The following PUDP variants were observed in gnomAD, a reference collection of about 807,000 sequenced individuals.
PUDP encodes pseudouridine-5'-phosphatase.
Under a neutral mutation model 9.4 loss-of-function variants are expected in PUDP, and 8 were observed. That is an observed-to-expected ratio of 0.85 (90% CI 0.50 to 1.53). The LOEUF is 1.53. PUDP is among the 40% of genes most tolerant of loss of function. PUDP has a pLI of 0.00. For missense variants in PUDP, 188 were observed against 189.7 expected (o/e 0.99, Z 0.05); for synonymous variants, 99 against 80.7 (o/e 1.23, Z -1.22).
intron 1 of PUDP, among the ~76,000 whole-genome samples, chrX:7,109,135 C>T (rs1191630312): frequency 8.9e-6 from 1 of 112,037 alleles, no homozygotes; most frequent in African/African-American, 3.2e-5. Context: ...CACCCTCCTC[C>T]TCAACAGCTG....
At position 7,096,740 on chromosome X, in the gene PUDP, G is replaced by GT. The variant is rs781677762; in HGVS notation, c.280+8879dup. ...AGTCCTAGCCACGCCAGAAGCTGAG[G>GT]TGAAAGCATTGCTTCAGCCCAGCAG... On this transcript the variant is annotated intron_variant, in intron 2 of 3. Transcript: ENST00000381077. Among the ~76,000 whole-genome samples the GT allele has an allele frequency of 9.0e-5, 10 of 111,304 alleles. No individual in the cohort carries two copies. The East Asian group carries it at 2.0e-3, about 22-fold the overall frequency.
At chrX:6,766,544 T>C (rs1925287631) in intron 3 of PUDP, among the ~76,000 whole-genome samples, 1 of 111,935 alleles carries the variant, frequency 8.9e-6, no homozygotes. Context: ...ATATATTATA[T>C]AGCATCTAGA....
chrX:6,766,284 G>A (rs1925284668), intron 3 of PUDP, among the ~76,000 whole-genome samples: 1 of 111,792 alleles, frequency 8.9e-6, no homozygotes, highest in Non-Finnish European at 1.9e-5. Context: ...AATAAATCTT[G>A]GAGTGCCAGG....
chrX:6,817,264 G>A (rs1331642930), intron 3 of PUDP, among the ~76,000 whole-genome samples: 1 of 109,080 alleles, frequency 9.2e-6, no homozygotes, highest in Admixed American at 1.0e-4. Flanking sequence ...TCAGAGATAC[G>A]GGATCACTGT....
chrX:7,147,966 C>T, intron 1 of PUDP, 87 bp downstream of exon 1: 1 of 729,710 alleles, frequency 1.4e-6, no homozygotes, highest in Non-Finnish European at 2.0e-6. Flanking sequence ...CCGCCGCGGC[C>T]CCCAGGCCGT....
intron 2 of PUDP, among the ~76,000 whole-genome samples, chrX:7,097,784 T>C (rs1233486728): frequency 9.1e-6 from 1 of 110,134 alleles, no homozygotes; most frequent in East Asian, 2.9e-4. Flanking sequence ...AGGGTGGGGG[T>C]GTATCTGTTA....
intron 3 of PUDP, among the ~76,000 whole-genome samples, chrX:6,947,027 G>A (rs1928477730): frequency 3.8e-5 from 4 of 104,790 alleles, no homozygotes; most frequent in Admixed American, 1.0e-4. Context: ...TTGAGACAGG[G>A]TCTCACTCTA....
At chrX:7,120,236 A>T (rs1234363175) in intron 1 of PUDP, among the ~76,000 whole-genome samples, 3 of 111,757 alleles carry the variant, frequency 2.7e-5, no homozygotes, top group Non-Finnish European at 5.6e-5. Flanking sequence ...GGAATTTGCA[A>T]AAGTAATTAA....
intron 1 of PUDP, among the ~76,000 whole-genome samples, chrX:7,109,815 G>A (rs1014584771): frequency 4.4e-5 from 5 of 112,913 alleles, no homozygotes; most frequent in African/African-American, 1.6e-4. Context: ...AGGGCCATCA[G>A]ATGGATATTC....
At chrX:7,128,867 G>A (rs1257233875) in intron 1 of PUDP, among the ~76,000 whole-genome samples, 2 of 111,867 alleles carry the variant, frequency 1.8e-5, no homozygotes, top group African/African-American at 6.5e-5. Context: ...ATGAAACAGC[G>A]GGGGCCCAAG....
intron 1 of PUDP, among the ~76,000 whole-genome samples, chrX:6,716,639 AT>A (rs11427076): frequency 0.012 from 1,296 of 103,923 alleles, 10 homozygotes; most frequent in Non-Finnish European, 0.02. Context: ...GTATGTATGT[AT>A]TTTTTTTTTT....
Position 7,021,344 on chromosome X carries a change from G to A in PUDP, c.205-43001C>T, listed in dbSNP as rs141959502. Among the ~76,000 whole-genome samples the A allele has an allele frequency of 5.7e-3, 633 of 111,595 alleles. 8 individuals are homozygous for A. Among genetic ancestry groups the A allele is most frequent in the African/African-American group, 0.019 (596 of 30,696 alleles). ...CTCCTTTGCGACCTGAAAGTAATTGGAAGAAAGGGCTTTTGCTATAGACTA... is the reference window on the plus strand; with the variant it reads ...CTCCTTTGCGACCTGAAAGTAATTGAAAGAAAGGGCTTTTGCTATAGACTA... On this transcript the variant is annotated intron_variant and NMD_transcript_variant, in intron 1 of 3. Transcript: ENST00000655425.
intron 1 of PUDP, among the ~76,000 whole-genome samples, chrX:7,020,406 T>C (rs1474346541): frequency 2.7e-5 from 3 of 109,595 alleles, no homozygotes; most frequent in East Asian, 5.9e-4. Flanking sequence ...TATTTGTCCA[T>C]GAGTTAGAGC....
chrX:6,926,499 T>C (rs1275671197), intron 3 of PUDP, among the ~76,000 whole-genome samples: 2 of 112,357 alleles, frequency 1.8e-5, no homozygotes, highest in Non-Finnish European at 1.9e-5. Flanking sequence ...CTTTTTCTAA[T>C]GATGCTAATT....
chrX:6,822,396 C>T (rs1221027119), intron 3 of PUDP, among the ~76,000 whole-genome samples: 1 of 112,340 alleles, frequency 8.9e-6, no homozygotes, highest in East Asian at 2.9e-4. Context: ...CCCTCTTCAT[C>T]AAACCTAAAC....
intron 3 of PUDP, among the ~76,000 whole-genome samples, chrX:6,743,254 C>T (rs1265612770): frequency 8.9e-6 from 1 of 112,235 alleles, no homozygotes; most frequent in African/African-American, 3.3e-5. Flanking sequence ...TGTCTGAGGG[C>T]AGCCCCACCA....
At chrX:7,107,478 G>A (rs761451083) in intron 1 of PUDP, among the ~76,000 whole-genome samples, 4 of 112,442 alleles carry the variant, frequency 3.6e-5, no homozygotes, top group African/African-American at 1.3e-4. Flanking sequence ...ATGCATGCTT[G>A]TCTGTAATTG....
intron 1 of PUDP, among the ~76,000 whole-genome samples, chrX:6,987,135 T>C (rs1929113924): frequency 9.0e-6 from 1 of 111,357 alleles, no homozygotes; most frequent in Admixed American, 9.5e-5. Flanking sequence ...TTCACGTAGG[T>C]GGGATGTGAT....
At chrX:6,752,272 C>T (rs1925103478) in intron 3 of PUDP, among the ~76,000 whole-genome samples, 2 of 111,608 alleles carry the variant, frequency 1.8e-5, no homozygotes, top group Admixed American at 1.9e-4. Flanking sequence ...TTTTTCTGAT[C>T]AACCAGGAGG....
Sources: gnomAD v4.1 joint callset for allele counts (sites outside exome capture counted in the v4.1 genomes callset) on GRCh38, gnomAD v4.1.1 for gene constraint, MANE v1.5 for transcripts, NCBI Gene and HGNC (gene_info 2026-07-23, HGNC 2026-07-21) for gene names.